The following OLA1 variants were observed in gnomAD, a reference collection of about 807,000 sequenced individuals.
The protein encoded by OLA1 is obg-like ATPase 1.
OLA1 carries 14 observed loss-of-function variants against 48.4 expected under a neutral mutation model. That is an observed-to-expected ratio of 0.29 (90% CI 0.19 to 0.45). The LOEUF (loss-of-function observed/expected upper bound fraction) is 0.45. Ranked by LOEUF, OLA1 falls within the 20% of genes least tolerant of loss-of-function variation. The pLI is 1.00. For missense variants in OLA1, 325 were observed against 467.1 expected, an observed-to-expected ratio of 0.70 and a Z score of 2.80; for synonymous variants, 127 against 150.4, an observed-to-expected ratio of 0.84 and a Z score of 1.14.
chr2:174,132,037 T>C (rs1686194232), intron 5 of OLA1, among the ~76,000 whole-genome samples: 3 of 152,230 alleles, frequency 2.0e-5, no homozygotes, highest in South Asian at 4.1e-4. Context: ...GTTCGATTTC[T>C]TTGATAGATA....
intron 7 of OLA1, among the ~76,000 whole-genome samples, chr2:174,091,743 G>A (rs752207440): frequency 6.6e-6 from 1 of 151,266 alleles, no homozygotes; most frequent in African/African-American, 2.4e-5. Context: ...GTATGGTGGC[G>A]GGCACCTGTA....
At chr2:174,108,281 T>C (rs1198846130) in intron 7 of OLA1, among the ~76,000 whole-genome samples, 1 of 152,122 alleles carries the variant, frequency 6.6e-6, no homozygotes, top group Non-Finnish European at 1.5e-5. Context: ...AATCGTTTGC[T>C]AGCACTAAAC....
chr2:174,113,025 C>T (rs993517227), intron 7 of OLA1, among the ~76,000 whole-genome samples: 1 of 152,172 alleles, frequency 6.6e-6, no homozygotes, highest in African/African-American at 2.4e-5. Flanking sequence ...ACTGCAACCT[C>T]CATCTCCCAG....
chr2:174,144,951 A>AAAAAAAAAATATATATAT (rs1181030817), intron 4 of OLA1, among the ~76,000 whole-genome samples: 15 of 40,294 alleles, frequency 3.7e-4, no homozygotes, highest in Non-Finnish European at 5.6e-4. Context: ...AAAAAAAAAA[A>AAAAAAAAAATATATATAT]ATATATATAT....
chr2:174,141,484 T>C (rs778325605), intron 5 of OLA1, among the ~76,000 whole-genome samples: 10 of 152,180 alleles, frequency 6.6e-5, no homozygotes, highest in Non-Finnish European at 1.5e-4. Context: ...AATCACTTCT[T>C]CAAATCCATG....
intron 4 of OLA1, among the ~76,000 whole-genome samples, chr2:174,208,149 G>A (rs766660029): frequency 6.6e-6 from 1 of 152,144 alleles, no homozygotes; most frequent in Non-Finnish European, 1.5e-5. Flanking sequence ...AGAAGGATGC[G>A]TAGAAAACAA....
At chr2:174,151,721 G>A (rs1399301800) in intron 4 of OLA1, among the ~76,000 whole-genome samples, 2 of 152,166 alleles carry the variant, frequency 1.3e-5, no homozygotes, top group Admixed American at 1.3e-4. Context: ...CAAGAGAAGG[G>A]AGAGAGCTAA....
At chr2:174,096,972 A>G (rs1001010784) in intron 7 of OLA1, among the ~76,000 whole-genome samples, 1 of 152,188 alleles carries the variant, frequency 6.6e-6, no homozygotes, top group African/African-American at 2.4e-5. Context: ...CCTGGCCAAC[A>G]TGGCGAAACC....
At chr2:174,173,557 A>AT (rs1193780404) in intron 4 of OLA1, among the ~76,000 whole-genome samples, 2 of 152,012 alleles carry the variant, frequency 1.3e-5, no homozygotes, top group Non-Finnish European at 2.9e-5. Context: ...TTACAACTTG[A>AT]TTTTTTTTAT....
intron 4 of OLA1, among the ~76,000 whole-genome samples, chr2:174,190,499 A>G (rs1237515148): frequency 6.6e-6 from 1 of 151,932 alleles, no homozygotes; most frequent in Non-Finnish European, 1.5e-5. Flanking sequence ...CTATTTCCAA[A>G]TATTGGGTTA....
rs1047147856 is a variant in OLA1 at position 174,150,801 on chromosome 2, G to A, written c.374-8801C>T. On this transcript the variant is annotated intron_variant, in intron 4 of 10. Coordinates refer to ENST00000284719, the MANE Select transcript of OLA1 (RefSeq NM_013341.5). ...TCTCAGTAACTGGACAATCTGGTTA[G>A]GAAACAAATTTAACCTATTAAAAAG... Among the ~76,000 whole-genome samples the A allele has an allele frequency of 1.4e-4, 21 of 152,090 alleles. 1 individual carries two copies. The highest frequency in any genetic ancestry group is 5.1e-4 in the African/African-American group (21 of 41,412).
chr2:174,103,629 G>A (rs1685447251), intron 7 of OLA1, among the ~76,000 whole-genome samples: 1 of 152,060 alleles, frequency 6.6e-6, no homozygotes, highest in Non-Finnish European at 1.5e-5. Context: ...TTGAACAAAA[G>A]GGATACATTC....
intron 5 of OLA1, among the ~76,000 whole-genome samples, chr2:174,131,588 C>T (rs567848464): frequency 3.5e-4 from 53 of 152,224 alleles, no homozygotes; most frequent in South Asian, 6.2e-4. Context: ...CACTGTATGA[C>T]AATTTCATTT....
At chr2:174,242,416 G>A (rs1195133320) in intron 2 of OLA1, among the ~76,000 whole-genome samples, 2 of 152,234 alleles carry the variant, frequency 1.3e-5, no homozygotes, top group South Asian at 2.1e-4. Context: ...ATGCTCACTC[G>A]CCTGCTGCTC....
intron 4 of OLA1, among the ~76,000 whole-genome samples, chr2:174,209,710 C>T (rs544358054): frequency 1.2e-4 from 19 of 152,030 alleles, no homozygotes; most frequent in Non-Finnish European, 2.1e-4. Flanking sequence ...GTTCACTGTC[C>T]CCTCCCAGGT....
In OLA1 at chr2:174,225,050, G is replaced by A. The variant is rs79634837; in HGVS notation, c.246-1890C>T. ...AAATGTGATGCGTAATGGTGGAGGT[G>A]GGGCCTGGTGGGAGGCGTTTGGGTC... On this transcript the variant is annotated intron_variant, in intron 3 of 10. Transcript: ENST00000284719. 8.9e-3 allele frequency among the ~76,000 whole-genome samples: 1,348 copies of A among 152,308 alleles called. 25 individuals are homozygous for A. The highest frequency in any genetic ancestry group is 0.03 in the African/African-American group (1,251 of 41,568).
intron 4 of OLA1, among the ~76,000 whole-genome samples, chr2:174,204,320 G>GGACGCAGGAGAATGGCATT (rs1688062728): frequency 6.6e-6 from 1 of 152,066 alleles, no homozygotes; most frequent in African/African-American, 2.4e-5. Flanking sequence ...AGAATGGCAT[G>GGACGCAGGAGAATGGCATT]AACCCAGGAG....
intron 9 of OLA1, 177 bp from the exon 10 acceptor site, chr2:174,079,267 T>G: frequency 2.2e-6 from 1 of 459,988 alleles, no homozygotes; most frequent in Non-Finnish European, 3.8e-6. Flanking sequence ...TGCAGCAGAT[T>G]TAGCATAGAT....
intron 7 of OLA1, among the ~76,000 whole-genome samples, chr2:174,099,585 G>A (rs190166570): frequency 4.7e-4 from 71 of 152,230 alleles, no homozygotes; most frequent in African/African-American, 1.6e-3. Flanking sequence ...GACAAACACC[G>A]ATGAAACATT....
Sources: allele counts gnomAD v4.1 joint callset (sites outside exome capture counted in the v4.1 genomes callset), GRCh38; gene constraint gnomAD v4.1.1; transcripts MANE v1.5; gene names NCBI Gene and HGNC (gene_info 2026-07-23, HGNC 2026-07-21).